The following CACNA1B variants were observed in gnomAD, a reference collection of about 807,000 sequenced individuals.
The protein encoded by CACNA1B is calcium voltage-gated channel subunit alpha1 B.
Under a neutral mutation model 247.2 loss-of-function variants are expected in CACNA1B, and 70 were observed. The ratio of observed to expected loss-of-function variants is 0.28; its 90% CI spans 0.23 to 0.35. CACNA1B has a LOEUF of 0.35. Among genes scored for constraint, CACNA1B ranks in the 10% least tolerant of loss-of-function variants. CACNA1B has a pLI of 1.00. For missense variants in CACNA1B, 2,367 were observed against 3,197.4 expected (o/e 0.74, Z 6.26); for synonymous variants, 1,231 against 1,294.4 (o/e 0.95, Z 1.05).
chr9:138,099,647 G>A (rs1179682971), intron 37 of CACNA1B, among the ~76,000 whole-genome samples: 1 of 151,214 alleles, frequency 6.6e-6, no homozygotes, highest in Non-Finnish European at 1.5e-5. Flanking sequence ...TGCCTGTGGT[G>A]TGCATGTGCC....
chr9:138,115,387 G>T (rs368382902), intron 41 of CACNA1B, among the ~76,000 whole-genome samples, 165 bp from the exon 42 acceptor site: 1 of 152,168 alleles, frequency 6.6e-6, no homozygotes, highest in South Asian at 2.1e-4. Flanking sequence ...CATATTTAGG[G>T]ACATATCAGG....
In CACNA1B at chr9:137,932,606, T is replaced by C. The variant is rs1375532820; in HGVS notation, c.966+15175T>C. 2.0e-5 allele frequency among the ~76,000 whole-genome samples: 3 copies of C among 152,276 alleles called. 1 individual carries two copies. The highest frequency in any genetic ancestry group is 1.9e-4 in the East Asian group (1 of 5,188). ...TGCCCCAGCAGTTCTCTTTTCCCAGTGGAGGTAGTTAGGCTTAGTGTCCAG... is the reference window on the plus strand; with the variant it reads ...TGCCCCAGCAGTTCTCTTTTCCCAGCGGAGGTAGTTAGGCTTAGTGTCCAG... On this transcript the variant is annotated intron_variant, in intron 6 of 46. Coordinates refer to ENST00000371372, the MANE Select transcript of CACNA1B (RefSeq NM_000718.4).
At chr9:137,879,006 G>A in intron 1 of CACNA1B, 48 bp from the exon 2 acceptor site, 1 of 1,275,158 alleles carries the variant, frequency 7.8e-7, no homozygotes, top group Non-Finnish European at 1.1e-6. Context: ...CGTCGGCCTC[G>A]TGTTTCCCTC....
At chr9:138,032,781 G>T in intron 20 of CACNA1B, 1 of 422,048 alleles carries the variant, frequency 2.4e-6, no homozygotes, top group Non-Finnish European at 4.6e-6. Context: ...GTAAGATGTT[G>T]TTTATCTCTT....
chr9:137,878,257 C>G, intron 1 of CACNA1B, 40 bp downstream of exon 1: 3 of 1,111,838 alleles, frequency 2.7e-6, no homozygotes, highest in African/African-American at 1.6e-5. Context: ...CGGGCGGGGA[C>G]CGGGGTGGGG....
rs549162324 is a variant in CACNA1B at position 138,024,902 on chromosome 9, G to T, written c.3069-53G>T. 3.0e-5 allele frequency: 39 copies of T among 1,314,668 alleles called. No homozygotes were observed. The Admixed American group carries it at 7.5e-4, about 25-fold the overall frequency. The allele number at this position is 1,314,668 out of a possible 1,614,324, so 81.4% of individuals were successfully genotyped here. A position where few individuals can be genotyped will look rare whatever the true frequency, so the allele number is the denominator to read the frequency against. ...TCCTGCCTCTGCCTCCCGGTGCCGGGATCACAGGTGTGAGCCACTGCGCCG... is the reference window on the plus strand; with the variant it reads ...TCCTGCCTCTGCCTCCCGGTGCCGGTATCACAGGTGTGAGCCACTGCGCCG... On this transcript the variant is annotated intron_variant, in intron 19 of 46. Transcript: ENST00000371372.
chr9:137,995,047 A>ATTT (rs1476910368), intron 15 of CACNA1B, among the ~76,000 whole-genome samples: 7 of 151,960 alleles, frequency 4.6e-5, no homozygotes, highest in Non-Finnish European at 1.0e-4. Context: ...CCTACTTAAA[A>ATTT]AAGTACACAA....
Position 137,986,659 on chromosome 9 carries a change from A to C in CACNA1B, c.1901+115A>C. On this transcript the variant is annotated intron_variant, in intron 14 of 46. Coordinates refer to ENST00000371372, the MANE Select transcript of CACNA1B (RefSeq NM_000718.4). The surrounding 1 kb of genome is among the most constrained non-coding windows in gnomAD (Gnocchi z 6.0). ...CCACCTTCCCACCAGGAAGGTCCTC[A>C]GAGGGGCCAGTGTGCAGCCATCTGC... 6.9e-7 allele frequency: 1 copy of C among 1,440,974 alleles called. No homozygotes were observed. The highest frequency in any genetic ancestry group is 9.7e-7 in the Non-Finnish European group (1 of 1,025,802). The allele number at this position is 1,440,974 out of a possible 1,614,324, so 89.3% of individuals were successfully genotyped here. A position where few individuals can be genotyped will look rare whatever the true frequency, so the allele number is the denominator to read the frequency against.
At chr9:137,902,899 T>C (rs533898575) in intron 3 of CACNA1B, among the ~76,000 whole-genome samples, 110 of 152,324 alleles carry the variant, frequency 7.2e-4, no homozygotes, top group African/African-American at 2.5e-3. Flanking sequence ...CACTGCCGAG[T>C]GTCCTCTGAG....
chr9:137,995,939 G>A (rs1958495053), intron 15 of CACNA1B, among the ~76,000 whole-genome samples: 1 of 152,212 alleles, frequency 6.6e-6, no homozygotes, highest in South Asian at 2.1e-4. Context: ...TCAGGGGAAT[G>A]CAAATAAAAA....
chr9:138,063,666 G>A (rs1214193747), intron 31 of CACNA1B, among the ~76,000 whole-genome samples: 1 of 152,212 alleles, frequency 6.6e-6, no homozygotes, highest in African/African-American at 2.4e-5. Context: ...AGTCCCAGAG[G>A]CTGAGTAGAT....
intron 23 of CACNA1B, among the ~76,000 whole-genome samples, chr9:138,048,506 G>A (rs1404886528): frequency 1.3e-5 from 2 of 152,212 alleles, no homozygotes; most frequent in Non-Finnish European, 2.9e-5. Context: ...GAGGTCCAAA[G>A]GCCCACTGAG....
intron 26 of CACNA1B, among the ~76,000 whole-genome samples, chr9:138,056,638 G>A (rs1057420800): frequency 3.3e-5 from 5 of 152,198 alleles, no homozygotes. Flanking sequence ...ACTGTTTGAG[G>A]AAATGCCAGA....
intron 34 of CACNA1B, 60 bp downstream of exon 34, chr9:138,074,126 G>A (rs1013874986): frequency 7.0e-6 from 8 of 1,147,852 alleles, no homozygotes; most frequent in Admixed American, 6.7e-5. Context: ...GGAGCAGAGG[G>A]GCACTGATCA....
rs1192582921 is a variant in CACNA1B, at chr9:138,051,892, G to T, written c.3711-200G>T. Among the ~76,000 whole-genome samples the T allele has an allele frequency of 4.6e-5, 7 of 152,112 alleles. No individual in the cohort carries two copies. The East Asian group carries it at 1.4e-3, about 29-fold the overall frequency. ...GCCCCAGCTCCTGTCCTTAGATGAG[G>T]CCCGGGCCAGGCAGCCCCTGGGAAG... On this transcript the variant is annotated intron_variant, in intron 24 of 46. Transcript: ENST00000371372. The surrounding 1 kb of genome is among the most constrained non-coding windows in gnomAD (Gnocchi z 4.3).
rs1240780730 is a variant in CACNA1B, at chr9:137,913,334, C to T, written c.622+63C>T. On this transcript the variant is annotated intron_variant, in intron 4 of 46. Coordinates refer to ENST00000371372, the MANE Select transcript of CACNA1B (RefSeq NM_000718.4). The surrounding 1 kb of genome is among the most constrained non-coding windows in gnomAD (Gnocchi z 5.2). ...TAACAACCTCCTCTCCTACCCTCAC[C>T]ACGGACATGGCCATGGCCATGGTTT... The T allele has an allele frequency of 1.3e-5, 16 of 1,266,916 alleles. No homozygotes were observed. Among genetic ancestry groups the T allele is most frequent in the Non-Finnish European group, 1.6e-5 (14 of 873,924 alleles). The allele number at this position is 1,266,916 out of a possible 1,614,324, so 78.5% of individuals were successfully genotyped here.
At position 138,046,908 on chromosome 9, in the gene CACNA1B, C is replaced by T. The variant is rs1310854298; in HGVS notation, c.3418C>T (p.Arg1140Cys). ...MFCLSPTNLL[R>C]RFCHYIVTMR... is the part of the protein sequence containing the mutation. ...GATCCGTGCCTTCCCTCACAGGCTC[C>T]GCCGCTTCTGCCACTACATCGTGAC... The change falls in exon 22 of 47, where the codon CGC becomes TGC. Residue 1140 changes from arginine (R) to cysteine (C), a missense_variant. This residue lies in a region of CACNA1B where 631 missense variants were observed against 631.1 expected (regional missense o/e 1.00). Transcript: ENST00000371372. The T allele has an allele frequency of 1.9e-6, 3 of 1,613,272 alleles. No homozygotes were observed. Among genetic ancestry groups the T allele is most frequent in the African/African-American group, 1.3e-5 (1 of 74,944 alleles).
At chr9:138,092,844 C>T (rs149019659) in intron 36 of CACNA1B, among the ~76,000 whole-genome samples, 7,899 of 152,238 alleles carry the variant, frequency 0.052, 523 homozygotes, top group East Asian at 0.17. Context: ...TGGCTTCAGC[C>T]GGTCCCTCCG....
intron 10 of CACNA1B, among the ~76,000 whole-genome samples, chr9:137,964,965 C>T (rs1403202309): frequency 6.6e-6 from 1 of 152,212 alleles, no homozygotes; most frequent in African/African-American, 2.4e-5. Context: ...CTGCAGTTTT[C>T]TGTGGGTCCA....
Sources: allele counts gnomAD v4.1 joint callset (sites outside exome capture counted in the v4.1 genomes callset), GRCh38; gene constraint gnomAD v4.1.1; regional missense constraint gnomAD v4.1.1; non-coding constraint Gnocchi (gnomAD v3.1); transcripts MANE v1.5; gene names NCBI Gene and HGNC (gene_info 2026-07-23, HGNC 2026-07-21).